The following COBL variants were observed in gnomAD, a reference collection of about 807,000 sequenced individuals.
COBL encodes protein cordon-bleu.
A neutral mutation model predicts 98.8 loss-of-function variants in COBL; 51 were observed. The ratio of observed to expected loss-of-function variants is 0.52; its 90% CI spans 0.41 to 0.65. The LOEUF (loss-of-function observed/expected upper bound fraction) is 0.65. Among genes scored for constraint, COBL ranks in the 30% least tolerant of loss-of-function variants. The pLI, the probability that COBL is intolerant of heterozygous loss-of-function variation, is 0.00. For missense variants in COBL, 1,617 were observed against 1,617.5 expected, an observed-to-expected ratio of 1.00 and a Z score of 0.01; for synonymous variants, 634 against 651.7, an observed-to-expected ratio of 0.97 and a Z score of 0.41.
chr7:51,276,015 C>T (rs1799278105), intron 1 of COBL, among the ~76,000 whole-genome samples: 1 of 152,176 alleles, frequency 6.6e-6, no homozygotes, highest in East Asian at 1.9e-4. Flanking sequence ...AGCCCTTTGG[C>T]TTTTCTAAAT....
chr7:51,313,515 C>T (rs1803254109), intron 1 of COBL, among the ~76,000 whole-genome samples: 1 of 152,204 alleles, frequency 6.6e-6, no homozygotes, highest in Admixed American at 6.5e-5. Context: ...ATTAGCAAAA[C>T]TTCCACTGAT....
chr7:51,220,752 G>A (rs1793554193), intron 1 of COBL, among the ~76,000 whole-genome samples: 1 of 152,090 alleles, frequency 6.6e-6, no homozygotes, highest in Admixed American at 6.5e-5. Context: ...AGTGAGCACA[G>A]TACCCAACAG....
At chr7:51,024,510 C>T (rs997035659) in intron 12 of COBL, among the ~76,000 whole-genome samples, 2 of 152,080 alleles carry the variant, frequency 1.3e-5, no homozygotes, top group South Asian at 4.1e-4. Flanking sequence ...AATTCCATTG[C>T]AGGGGCCAGG....
intron 6 of COBL, among the ~76,000 whole-genome samples, chr7:51,096,601 C>T (rs1795293030): frequency 6.6e-6 from 1 of 151,812 alleles, no homozygotes; most frequent in Admixed American, 6.6e-5. Context: ...AAATTGACTA[C>T]CCTTAGTTAC....
rs755421309 is a variant in COBL at position 51,043,589 on chromosome 7, C to T, written c.1200G>A (p.Ser400=). The change falls in exon 8 of 13, where the codon TCG becomes TCA. Residue 400 remains serine (S), a synonymous_variant. Coordinates refer to ENST00000265136, the MANE Select transcript of COBL (RefSeq NM_015198.5). ...CTCCTGAGTCCTCGGTCGTGTCCTC[C>T]GACGCAAAACAGCTGCCAACTGACA... ...ETVSVGSCFA[S]EDTTEDSGVM... The T allele has an allele frequency of 2.0e-5, 32 of 1,614,076 alleles. No homozygotes were observed. Among genetic ancestry groups the T allele is most frequent in the African/African-American group, 6.7e-5 (5 of 74,926 alleles).
intron 6 of COBL, among the ~76,000 whole-genome samples, chr7:51,128,916 C>T (rs1798481674): frequency 6.6e-6 from 1 of 152,232 alleles, no homozygotes; most frequent in Non-Finnish European, 1.5e-5. Context: ...ACTGTCCCTG[C>T]CCGACCTCGC....
At chr7:51,065,007 CAG>C (rs1791757092) in intron 7 of COBL, 1 of 604,574 alleles carries the variant, frequency 1.7e-6, no homozygotes, top group Non-Finnish European at 2.9e-6. Flanking sequence ...AGCTTTCAGA[CAG>C]ACAGAATTCA....
intron 5 of COBL, among the ~76,000 whole-genome samples, chr7:51,164,260 T>C (rs1391024756): frequency 6.6e-6 from 1 of 152,120 alleles, no homozygotes; most frequent in Non-Finnish European, 1.5e-5. Context: ...AAGTTACCGA[T>C]ATCCAAAGAA....
intron 7 of COBL, among the ~76,000 whole-genome samples, chr7:51,045,722 C>T (rs1322964933): frequency 6.6e-6 from 1 of 152,170 alleles, no homozygotes; most frequent in Non-Finnish European, 1.5e-5. Context: ...CTCTAACCCA[C>T]CTCCACCCCT....
At chr7:51,226,232 A>G (rs1794170722) in intron 1 of COBL, among the ~76,000 whole-genome samples, 1 of 152,110 alleles carries the variant, frequency 6.6e-6, no homozygotes, top group Non-Finnish European at 1.5e-5. Context: ...GCTTAAAGGG[A>G]ATTTCAGAGA....
intron 5 of COBL, among the ~76,000 whole-genome samples, chr7:51,145,214 C>T (rs1026220211): frequency 5.9e-5 from 9 of 152,006 alleles, no homozygotes; most frequent in Non-Finnish European, 1.2e-4. Context: ...CAGGGTTTCA[C>T]CATGTTGGCC....
chr7:51,029,252 A>G lies in COBL; in HGVS notation c.1844T>C (p.Leu615Ser). The G allele has an allele frequency of 6.2e-7, 1 of 1,612,890 alleles. No homozygotes were observed. The highest frequency in any genetic ancestry group is 8.5e-7 in the Non-Finnish European group (1 of 1,179,340). ...HDVGKGIRVA[L>S]SNISKDGNLM... is the part of the protein sequence containing the mutation. Reference sequence around the variant, plus strand: ...ATTCCCATCTTTAGAGATGTTAGATAAGGCCACACGGATTCCTTTTCCGAC... The same window carrying G: ...ATTCCCATCTTTAGAGATGTTAGATGAGGCCACACGGATTCCTTTTCCGAC... The change falls in exon 10 of 13, where the codon TTA (leucine) becomes TCA (serine). Residue 615 changes from leucine (L) to serine (S), a missense_variant. Transcript: ENST00000265136.
chr7:51,263,540 C>T (rs1019068223), intron 1 of COBL, among the ~76,000 whole-genome samples: 40 of 147,708 alleles, frequency 2.7e-4, no homozygotes, highest in African/African-American at 9.6e-4. Flanking sequence ...AAAAAAAGTT[C>T]TTTTTTTTTT....
intron 5 of COBL, among the ~76,000 whole-genome samples, chr7:51,157,429 C>T (rs929437807): frequency 6.6e-6 from 1 of 152,168 alleles, no homozygotes; most frequent in Non-Finnish European, 1.5e-5. Context: ...TCAGTAGCAC[C>T]GGCAAGGGGT....
intron 1 of COBL, among the ~76,000 whole-genome samples, chr7:51,246,730 T>C (rs994692770): frequency 1.3e-5 from 2 of 152,258 alleles, no homozygotes; most frequent in African/African-American, 2.4e-5. Context: ...CCTTGATTTG[T>C]AGATTCTATC....
chr7:51,122,978 A>G (rs1965129), intron 6 of COBL, among the ~76,000 whole-genome samples: 72,827 of 149,056 alleles, frequency 0.49, 17,939 homozygotes, highest in Middle Eastern at 0.68. Context: ...GCGAGACTCC[A>G]TCTCAAAAAA....
chr7:51,193,318 C>T, intron 3 of COBL, 61 bp downstream of exon 3: 2 of 1,454,980 alleles, frequency 1.4e-6, no homozygotes, highest in Middle Eastern at 1.8e-4. Flanking sequence ...GCCACACTGG[C>T]CCCTACTCAG....
At chr7:51,111,465 A>G (rs1388985135) in intron 6 of COBL, among the ~76,000 whole-genome samples, 2 of 152,216 alleles carry the variant, frequency 1.3e-5, no homozygotes, top group African/African-American at 2.4e-5. Context: ...CACTAGCTGC[A>G]TAATTGTAAG....
chr7:51,261,242 G>A (rs941051837), intron 1 of COBL, among the ~76,000 whole-genome samples: 38 of 152,194 alleles, frequency 2.5e-4, no homozygotes, highest in African/African-American at 9.2e-4. Flanking sequence ...GCTGGGCGTG[G>A]TGGCACACGC....
Sources: allele counts gnomAD v4.1 joint callset (sites outside exome capture counted in the v4.1 genomes callset), GRCh38; gene constraint gnomAD v4.1.1; transcripts MANE v1.5; gene names NCBI Gene and HGNC (gene_info 2026-07-23, HGNC 2026-07-21).